The following POLK variants were observed in gnomAD, a reference collection of about 807,000 sequenced individuals.
The protein encoded by POLK is DNA polymerase kappa.
POLK carries 76 observed loss-of-function variants against 94.0 expected under a neutral mutation model. The observed-to-expected ratio is 0.81, with a 90% confidence interval of 0.67 to 0.98. The LOEUF (loss-of-function observed/expected upper bound fraction) is 0.98. Ranked by LOEUF, POLK falls within the 50% of genes least tolerant of loss-of-function variation. The pLI is 0.00. For synonymous variants in POLK, 349 were observed against 325.4 expected, an observed-to-expected ratio of 1.07 and a Z score of -0.78; for missense variants, 954 against 1,010.1, an observed-to-expected ratio of 0.94 and a Z score of 0.75.
Position 75,552,453 on chromosome 5 carries a change from GTT to G in POLK, c.136-16_136-15del. 1 of 1,603,474 alleles carries G rather than the reference GTT, an allele frequency of 6.2e-7. No homozygotes were observed. On this transcript the variant is annotated splice_polypyrimidine_tract_variant and intron_variant, in intron 2 of 14. Coordinates refer to ENST00000241436, the Ensembl canonical transcript of POLK. ...CCTTCAGACATTTTTCTTATGCTTTGTTTTGTTTTCCTCCATAGGGGTCCAGA... is the reference window on the plus strand; with the variant it reads ...CCTTCAGACATTTTTCTTATGCTTTGTTGTTTTCCTCCATAGGGGTCCAGA...
chr5:75,569,301 T>C (rs1561382026), intron 3 of POLK, 39 bp from the exon 4 acceptor site: 2 of 1,412,572 alleles, frequency 1.4e-6, no homozygotes, highest in Non-Finnish European at 2.0e-6. Context: ...TTCAATATTA[T>C]GTTGTCTAAA....
At chr5:75,538,770 T>A (rs13354407) in intron 1 of POLK, 41,391 of 152,106 alleles carry the variant, frequency 0.27, 6,125 homozygotes, top group South Asian at 0.43. Context: ...TTTATTTTTT[T>A]TTTATTTATT....
intron 13 of POLK, 84 bp downstream of exon 13, chr5:75,597,262 CAT>C (rs1773142679): frequency 3.9e-6 from 3 of 766,236 alleles, no homozygotes; most frequent in East Asian, 4.9e-5. Context: ...AAATCTGAAA[CAT>C]ATACTATTAA....
At chr5:75,580,115 G>A (rs1772121852) in intron 6 of POLK, among the ~76,000 whole-genome samples, 1 of 151,670 alleles carries the variant, frequency 6.6e-6, no homozygotes. Context: ...TTAATCAGAT[G>A]TCTGTCATAT....
chr5:75,583,262 C>A (rs199676535), intron 7 of POLK, 31 bp from the exon 8 acceptor site: 39 of 1,525,566 alleles, frequency 2.6e-5, no homozygotes, highest in Non-Finnish European at 6.2e-6. Context: ...ATATCAACTT[C>A]TTTGAGTCAT....
rs1472689424 is a variant in POLK at position 75,552,511 on chromosome 5, C to T, written c.175C>T (p.Gln59Ter). 1.2e-6 allele frequency: 2 copies of T among 1,612,164 alleles called. No individual in the cohort carries two copies. The highest frequency in any genetic ancestry group is 3.3e-5 in the Admixed American group (2 of 59,766). The stretch of plus-strand genomic sequence containing the variant: ...TGGAAATGAGCTCAAGAAAGAAAAG[C>T]AAGTCAACCAACGAATTGAAAATAT... The change falls in exon 3 of 15, where the codon CAA (glutamine) becomes TAA (stop). Residue 59 changes from glutamine to a stop codon, truncating the protein, a stop_gained. Coordinates refer to ENST00000241436, the Ensembl canonical transcript of POLK. LOFTEE classifies it high-confidence loss of function.
Position 75,589,892 on chromosome 5 carries a change from C to T in POLK, c.1260-452C>T, listed in dbSNP as rs969213287. Among the ~76,000 whole-genome samples the T allele has an allele frequency of 9.9e-5, 15 of 152,272 alleles. No individual in the cohort carries two copies. In the South Asian group the frequency reaches 1.0e-3, roughly 11 times the overall value. ...TTCAGCTGTCTATTAAACAACTCTG[C>T]GTAGGTTCCATGAGCCAACCCCTTA... On this transcript the variant is annotated intron_variant, in intron 10 of 14. Coordinates refer to ENST00000241436, the Ensembl canonical transcript of POLK.
At chr5:75,585,057 GT>G in intron 9 of POLK, 131 bp downstream of exon 9, 1 of 643,158 alleles carries the variant, frequency 1.6e-6, no homozygotes, top group Non-Finnish European at 2.7e-6. Context: ...AAAATATAAT[GT>G]TTGAATTAGA....
At chr5:75,608,197 A>ATT in the POLK span, among the ~76,000 whole-genome samples, 20 of 145,606 alleles carry the variant, frequency 1.4e-4, no homozygotes, top group African/African-American at 3.0e-4. Context: ...AACTTAATTA[A>ATT]TTTTTTTTTT....
At chr5:75,537,379 C>T (rs75321396) in intron 1 of POLK, among the ~76,000 whole-genome samples, 50 of 152,300 alleles carry the variant, frequency 3.3e-4, no homozygotes, top group African/African-American at 1.1e-3. Context: ...TCACCGTTTG[C>T]GGTGTTGGTT....
chr5:75,539,182 A>G (rs1769609619), intron 1 of POLK, among the ~76,000 whole-genome samples: 1 of 152,034 alleles, frequency 6.6e-6, no homozygotes, highest in South Asian at 2.1e-4. Flanking sequence ...ATAAAAGATT[A>G]TTAAGGAAGG....
intron 1 of POLK, among the ~76,000 whole-genome samples, chr5:75,528,583 A>G (rs1040601892): frequency 2.6e-5 from 4 of 152,016 alleles, no homozygotes; most frequent in South Asian, 2.1e-4. Flanking sequence ...AGGCCTAGGC[A>G]GGAGGACCAC....
At chr5:75,571,890 T>G (rs1454083262) in intron 4 of POLK, among the ~76,000 whole-genome samples, 1 of 152,208 alleles carries the variant, frequency 6.6e-6, no homozygotes, top group Non-Finnish European at 1.5e-5. Flanking sequence ...AGATCTAGCT[T>G]TTATGTCAAT....
chr5:75,578,842 C>T (rs917252398), intron 6 of POLK, among the ~76,000 whole-genome samples: 2 of 152,200 alleles, frequency 1.3e-5, no homozygotes, highest in African/African-American at 4.8e-5. Flanking sequence ...AATGTTTACT[C>T]TCCCATGTAA....
upstream of POLK, chr5:75,511,595 C>T (rs888277553): frequency 1.4e-6 from 2 of 1,466,510 alleles, no homozygotes; most frequent in Admixed American, 2.4e-5. Flanking sequence ...CACACCTCCG[C>T]TACCGCCGCC....
rs144244121 is a variant in POLK, at chr5:75,552,716, A to T, written c.255+125A>T. On this transcript the variant is annotated intron_variant, in intron 3 of 14. Coordinates refer to ENST00000241436, the Ensembl canonical transcript of POLK. ...ATGTTCATTATATTGTAAAGCATAC[A>T]TATTCAGCAAATGAACATACTTTAC... 90 of 985,734 alleles carry T rather than the reference A, an allele frequency of 9.1e-5. 1 individual carries two copies. In the South Asian group the frequency reaches 1.5e-3, roughly 16 times the overall value. The allele number at this position is 985,734 out of a possible 1,614,324, so 61.1% of individuals were successfully genotyped here. A position where few individuals can be genotyped will look rare whatever the true frequency, so the allele number is the denominator to read the frequency against.
chr5:75,589,450 C>CT lies in POLK; in HGVS notation c.1260-886dup, dbSNP rs1357300435. On this transcript the variant is annotated intron_variant, in intron 10 of 14. Coordinates refer to ENST00000241436, the Ensembl canonical transcript of POLK. ...ACACACACACACACGTGGAATATTT[C>CT]TTTTTTTTGTTTGTTTTTGAGAGGG... Among the ~76,000 whole-genome samples, 50 of 137,286 alleles carry CT rather than the reference C, an allele frequency of 3.6e-4. No individual in the cohort carries two copies. The East Asian group carries it at 5.4e-3, about 15-fold the overall frequency. 90.1% of individuals were successfully genotyped at this position (137,286 alleles called of 152,430 possible).
upstream of POLK, chr5:75,511,486 T>G (rs1767999550): frequency 6.7e-7 from 1 of 1,502,114 alleles, no homozygotes; most frequent in Non-Finnish European, 8.9e-7. Flanking sequence ...CGCCCGGCGC[T>G]GCCACCCGAA....
At chr5:75,547,014 GT>G in exon 2 of POLK, 2 of 1,471,636 alleles carry the variant, frequency 1.4e-6, no homozygotes, top group Non-Finnish European at 9.2e-7. Context: ...TTTCAGATAA[GT>G]TTATACCATG....
Sources: gnomAD v4.1 joint callset for allele counts (sites outside exome capture counted in the v4.1 genomes callset) on GRCh38, gnomAD v4.1.1 for gene constraint, MANE v1.5 for transcripts, NCBI Gene and HGNC (gene_info 2026-07-23, HGNC 2026-07-21) for gene names.